Variants in BTBD9 observed in about 807,000 individuals in gnomAD.
BTBD9 encodes the protein BTB/POZ domain-containing protein 9.
A neutral mutation model predicts 64.3 loss-of-function variants in BTBD9; 49 were observed. That is an observed-to-expected ratio of 0.76 (90% CI 0.61 to 0.97). BTBD9 has a LOEUF of 0.97. Among genes scored for constraint, BTBD9 ranks in the 50% least tolerant of loss-of-function variants. The pLI is 0.00. For synonymous variants in BTBD9, 260 were observed against 274.7 expected (o/e 0.95, Z 0.53); for missense variants, 598 against 762.1 (o/e 0.78, Z 2.53).
At chr6:38,588,993 C>T (rs1016007039) in intron 4 of BTBD9, among the ~76,000 whole-genome samples, 2 of 152,202 alleles carry the variant, frequency 1.3e-5, no homozygotes, top group South Asian at 4.2e-4. Context: ...AAGTGTAATG[C>T]TTCCTTGTAT....
In BTBD9 at chr6:38,411,402, G is replaced by A. The variant is rs139541006; in HGVS notation, c.1155-66309C>T. ...CAAGATATAGAGCCAAACTACATTT[G>A]AAATTGTATGTTTATTATTTAACAG... is the stretch of plus-strand genomic sequence containing the variant. On this transcript the variant is annotated intron_variant, in intron 6 of 10. Coordinates refer to ENST00000481247, the MANE Select transcript of BTBD9 (RefSeq NM_001099272.2). Among the ~76,000 whole-genome samples, 1,509 of 152,316 alleles carry A rather than the reference G, an allele frequency of 9.9e-3. 19 individuals are homozygous for A. The highest frequency in any genetic ancestry group is 0.027 in the Middle Eastern group (8 of 294).
At chr6:38,504,385 G>A (rs890556623) in intron 6 of BTBD9, 1 of 340,934 alleles carries the variant, frequency 2.9e-6, no homozygotes, top group African/African-American at 2.1e-5. Context: ...ACTTCCTCAT[G>A]TTACCACTAC....
At chr6:38,619,671 T>C (rs917898089) in intron 1 of BTBD9, among the ~76,000 whole-genome samples, 16 of 152,120 alleles carry the variant, frequency 1.1e-4, no homozygotes, top group Non-Finnish European at 4.4e-5. Flanking sequence ...AGTTTAATCA[T>C]TGAGGGCCAG....
chr6:38,211,388 C>G (rs1332840736), intron 9 of BTBD9, among the ~76,000 whole-genome samples: 1 of 149,614 alleles, frequency 6.7e-6, no homozygotes, highest in Non-Finnish European at 1.5e-5. Flanking sequence ...GAGATAGCAC[C>G]ACTGCACTCC....
chr6:38,234,203 C>G (rs1763702831), intron 9 of BTBD9, among the ~76,000 whole-genome samples: 1 of 129,046 alleles, frequency 7.7e-6, no homozygotes, highest in Non-Finnish European at 1.9e-5. Context: ...CTATTTCTTT[C>G]AAATATATAA....
chr6:38,600,623 G>A (rs1777207197), intron 1 of BTBD9, among the ~76,000 whole-genome samples: 1 of 152,040 alleles, frequency 6.6e-6, no homozygotes, highest in Non-Finnish European at 1.5e-5. Flanking sequence ...AAAATGCAAT[G>A]TATATACCCA....
chr6:38,240,551 AAAG>A (rs1763959268), intron 9 of BTBD9, among the ~76,000 whole-genome samples: 1 of 152,248 alleles, frequency 6.6e-6, no homozygotes, highest in Non-Finnish European at 1.5e-5. Flanking sequence ...GGAAATGGCA[AAAG>A]AAGAAAATAC....
At chr6:38,193,284 CAG>C (rs1283929402) in intron 9 of BTBD9, among the ~76,000 whole-genome samples, 1 of 152,140 alleles carries the variant, frequency 6.6e-6, no homozygotes, top group African/African-American at 2.4e-5. Context: ...AGGAGGGCTG[CAG>C]AGGTCAGCAC....
At chr6:38,464,088 T>G (rs1283513924) in intron 6 of BTBD9, among the ~76,000 whole-genome samples, 1 of 152,096 alleles carries the variant, frequency 6.6e-6, no homozygotes, top group Non-Finnish European at 1.5e-5. Flanking sequence ...ATCTGAGAAG[T>G]GTCCTTATAA....
intron 7 of BTBD9, among the ~76,000 whole-genome samples, chr6:38,298,624 C>G (rs2127561731): frequency 6.6e-6 from 1 of 152,228 alleles, no homozygotes. Context: ...TATATTTGTA[C>G]CCTTTAACCA....
intron 6 of BTBD9, among the ~76,000 whole-genome samples, chr6:38,452,420 A>T (rs1051190621): frequency 6.6e-6 from 1 of 152,128 alleles, no homozygotes; most frequent in Non-Finnish European, 1.5e-5. Context: ...GCTAAGTTTA[A>T]CAAAAACCGT....
chr6:38,295,292 G>A (rs116768022), intron 7 of BTBD9, among the ~76,000 whole-genome samples: 2 of 151,856 alleles, frequency 1.3e-5, no homozygotes, highest in African/African-American at 2.4e-5. Context: ...AGCCTCTCGA[G>A]TAGCTGGAAC....
At position 38,590,417 on chromosome 6, in the gene BTBD9, G is replaced by A. The variant is rs562512269; in HGVS notation, c.814+2159C>T. 3.3e-5 allele frequency among the ~76,000 whole-genome samples: 5 copies of A among 152,254 alleles called. No homozygotes were observed. In the South Asian group the frequency reaches 8.3e-4, roughly 25 times the overall value. Reference sequence around the variant, plus strand: ...TACAACTAGTAAGTGACTAATTCAGGATTTGAAGTCAAATTTGTCTGGGCC... The same window carrying A: ...TACAACTAGTAAGTGACTAATTCAGAATTTGAAGTCAAATTTGTCTGGGCC... On this transcript the variant is annotated intron_variant, in intron 4 of 10. Coordinates refer to ENST00000481247, the MANE Select transcript of BTBD9 (RefSeq NM_001099272.2).
At position 38,428,892 on chromosome 6, in the gene BTBD9, G is replaced by T. The variant is rs898536790; in HGVS notation, c.1155-83799C>A. Among the ~76,000 whole-genome samples the T allele has an allele frequency of 2.0e-5, 3 of 151,374 alleles. No homozygotes were observed. In the East Asian group the frequency reaches 5.9e-4, roughly 30 times the overall value. On this transcript the variant is annotated intron_variant, in intron 6 of 10. Coordinates refer to ENST00000481247, the MANE Select transcript of BTBD9 (RefSeq NM_001099272.2). ...GCCCGGCTAATTTTTTGTATGTTTAGTAGAGACGGGGTTTCACCGTGTTAG... is the reference window on the plus strand; with the variant it reads ...GCCCGGCTAATTTTTTGTATGTTTATTAGAGACGGGGTTTCACCGTGTTAG...
At chr6:38,408,578 T>C (rs1007537905) in intron 6 of BTBD9, among the ~76,000 whole-genome samples, 2 of 152,194 alleles carry the variant, frequency 1.3e-5, no homozygotes, top group Non-Finnish European at 1.5e-5. Context: ...TCATGAGATA[T>C]AGTTGTTAAG....
At position 38,171,603 on chromosome 6, in the gene BTBD9, T is replaced by TGTGTGTGA. The variant is rs1561820216; in HGVS notation, c.*3381_*3382insTCACACAC. 1 of 75,930 alleles carries TGTGTGTGA rather than the reference T, an allele frequency of 1.3e-5. No homozygotes were observed. Among genetic ancestry groups the TGTGTGTGA allele is most frequent in the East Asian group, 3.5e-4 (1 of 2,842 alleles). The allele number at this position is 75,930 out of a possible 1,614,324, so 4.7% of individuals were successfully genotyped here. A position where few individuals can be genotyped will look rare whatever the true frequency, so the allele number is the denominator to read the frequency against. On this transcript the variant is annotated 3_prime_UTR_variant, in exon 11 of 11. Transcript: ENST00000481247. The stretch of plus-strand genomic sequence containing the variant: ...GTGTGTGTGTGTGTGTGTGTGTGTG[T>TGTGTGTGA]GAGAGGGAGAGACGGTGGGGGCGGG...
At chr6:38,539,845 C>A (rs1474522368) in intron 6 of BTBD9, among the ~76,000 whole-genome samples, 1 of 152,056 alleles carries the variant, frequency 6.6e-6, no homozygotes, top group Non-Finnish European at 1.5e-5. Flanking sequence ...CCATGTTAGG[C>A]TCTATATGGA....
At chr6:38,618,731 T>C (rs1777881345) in intron 1 of BTBD9, among the ~76,000 whole-genome samples, 1 of 152,146 alleles carries the variant, frequency 6.6e-6, no homozygotes, top group Non-Finnish European at 1.5e-5. Context: ...TATATAGATA[T>C]CCTATAGGGT....
chr6:38,607,706 G>A (rs763775198), intron 1 of BTBD9, among the ~76,000 whole-genome samples: 3 of 151,856 alleles, frequency 2.0e-5, no homozygotes, highest in Non-Finnish European at 2.9e-5. Context: ...ACTCTGTGGT[G>A]GCTGGGAGAA....
Sources: allele counts gnomAD v4.1 joint callset (sites outside exome capture counted in the v4.1 genomes callset), GRCh38; gene constraint gnomAD v4.1.1; transcripts MANE v1.5; gene names NCBI Gene and HGNC (gene_info 2026-07-23, HGNC 2026-07-21).